Variants in DENND1B observed in about 807,000 individuals in gnomAD.
The protein encoded by DENND1B is DENN domain containing 1B, also known as DENN domain-containing protein 1B.
Under a neutral mutation model 90.1 loss-of-function variants are expected in DENND1B, and 59 were observed. The ratio of observed to expected loss-of-function variants is 0.65; its 90% confidence interval spans 0.53 to 0.81. The LOEUF is 0.81. Among genes scored for constraint, DENND1B ranks in the 40% least tolerant of loss-of-function variants. The probability of loss-of-function intolerance (pLI) is 0.00; values close to 1 mark genes in which losing one functional copy is unlikely to be tolerated. For synonymous variants in DENND1B, 337 were observed against 324.6 expected, an observed-to-expected ratio of 1.04 and a Z score of -0.41; for missense variants, 862 against 912.6, an observed-to-expected ratio of 0.94 and a Z score of 0.71.
intron 3 of DENND1B, among the ~76,000 whole-genome samples, chr1:197,707,736 G>A (rs903185885): frequency 1.9e-4 from 28 of 148,446 alleles, no homozygotes; most frequent in African/African-American, 5.9e-4. Flanking sequence ...CAAGATGGCC[G>A]AATAGGAACA....
rs1185310127 is a variant in DENND1B at position 197,506,081 on chromosome 1, T to C, written c.*4379A>G. 1 of 151,620 alleles carries C rather than the reference T, an allele frequency of 6.6e-6. No homozygotes were observed. The highest frequency in any genetic ancestry group is 1.5e-5 in the Non-Finnish European group (1 of 67,690). The allele number at this position is 151,620 out of a possible 1,614,324, so 9.4% of individuals were successfully genotyped here. A position where few individuals can be genotyped will look rare whatever the true frequency, so the allele number is the denominator to read the frequency against. On this transcript the variant is annotated 3_prime_UTR_variant, in exon 23 of 23. Coordinates refer to ENST00000620048, the MANE Select transcript of DENND1B (RefSeq NM_001195215.2). ...AGAATATATTTTTTTCTGAAATCAA[T>C]GAGAACATTGCTACATACAGATTTA... is the stretch of plus-strand genomic sequence containing the variant.
chr1:197,661,510 C>T (rs1654403915), intron 5 of DENND1B, among the ~76,000 whole-genome samples: 1 of 152,046 alleles, frequency 6.6e-6, no homozygotes, highest in Non-Finnish European at 1.5e-5. Flanking sequence ...ATTCAAAGAA[C>T]ATGCTGGTCT....
In DENND1B at chr1:197,775,306, A is replaced by C. The variant is rs1000797646; in HGVS notation, c.-151T>G. 4 of 509,416 alleles carry C rather than the reference A, an allele frequency of 7.9e-6. No individual in the cohort carries two copies. Among genetic ancestry groups the C allele is most frequent in the Non-Finnish European group, 1.2e-5 (4 of 334,282 alleles). 31.6% of individuals were successfully genotyped at this position (509,416 alleles called of 1,614,324 possible). ...TCACAGCAGCCGTGGCGGCGGGCCCATGTCGGCTGCGCCCCCGGCACTTCC... is the reference window on the plus strand; with the variant it reads ...TCACAGCAGCCGTGGCGGCGGGCCCCTGTCGGCTGCGCCCCCGGCACTTCC... On this transcript the variant is annotated 5_prime_UTR_variant, in exon 1 of 23. It removes an upstream start codon present in the reference 5' UTR. Coordinates refer to ENST00000620048, the MANE Select transcript of DENND1B (RefSeq NM_001195215.2).
Position 197,775,310 on chromosome 1 carries a change from C to A in DENND1B, c.-155G>T. 1 of 480,382 alleles carries A rather than the reference C, an allele frequency of 2.1e-6. No individual in the cohort carries two copies. Among genetic ancestry groups the A allele is most frequent in the South Asian group, 1.1e-4 (1 of 9,424 alleles). 29.8% of individuals were successfully genotyped at this position (480,382 alleles called of 1,614,324 possible). A position where few individuals can be genotyped will look rare whatever the true frequency, so the allele number is the denominator to read the frequency against. On this transcript the variant is annotated 5_prime_UTR_variant, in exon 1 of 23. Transcript: ENST00000620048. ...AGCAGCCGTGGCGGCGGGCCCATGT[C>A]GGCTGCGCCCCCGGCACTTCCCCGC...
chr1:197,511,072 TC>T, intron 22 of DENND1B, 100 bp from the exon 23 acceptor site: 1 of 1,202,606 alleles, frequency 8.3e-7, no homozygotes, highest in Non-Finnish European at 1.1e-6. Flanking sequence ...GTTAAGTTCC[TC>T]CCAGAGAAAA....
intron 3 of DENND1B, among the ~76,000 whole-genome samples, chr1:197,683,999 T>C (rs1245023784): frequency 6.6e-6 from 1 of 152,208 alleles, no homozygotes; most frequent in Middle Eastern, 3.2e-3. Context: ...GCCTAATCAG[T>C]GCCTGGCACA....
intron 5 of DENND1B, among the ~76,000 whole-genome samples, chr1:197,667,350 G>C (rs535593347): frequency 2.6e-5 from 4 of 152,058 alleles, no homozygotes; most frequent in East Asian, 1.9e-4. Flanking sequence ...CACCCCATCA[G>C]CAATATTTTT....
intron 3 of DENND1B, among the ~76,000 whole-genome samples, chr1:197,703,406 A>G (rs1239978560): frequency 2.0e-5 from 3 of 152,316 alleles, no homozygotes; most frequent in African/African-American, 7.2e-5. Context: ...TTGTTCATGT[A>G]TAACTATTGA....
intron 3 of DENND1B, among the ~76,000 whole-genome samples, chr1:197,714,023 A>T (rs1448838052): frequency 1.5e-5 from 2 of 131,422 alleles, no homozygotes; most frequent in Non-Finnish European, 3.3e-5. Context: ...GGAGTCTCAC[A>T]TTGGTTGCCC....
chr1:197,566,950 G>A (rs1339196046), intron 15 of DENND1B, among the ~76,000 whole-genome samples: 1 of 152,034 alleles, frequency 6.6e-6, no homozygotes, highest in Admixed American at 6.6e-5. Flanking sequence ...TTTATTCCTA[G>A]AGGGACAGTA....
At chr1:197,637,861 C>A (rs1679932334) in intron 10 of DENND1B, among the ~76,000 whole-genome samples, 1 of 152,156 alleles carries the variant, frequency 6.6e-6, no homozygotes, top group Admixed American at 6.6e-5. Context: ...ACTTTAATAA[C>A]CTTAACTAGG....
chr1:197,583,897 C>A (rs181939493), intron 14 of DENND1B, among the ~76,000 whole-genome samples: 1 of 152,156 alleles, frequency 6.6e-6, no homozygotes, highest in Admixed American at 6.5e-5. Flanking sequence ...CATTTTTTTT[C>A]TATTTATTCC....
intron 7 of DENND1B, among the ~76,000 whole-genome samples, chr1:197,647,625 C>T (rs767496960): frequency 3.3e-5 from 5 of 152,088 alleles, no homozygotes; most frequent in Non-Finnish European, 2.9e-5. Context: ...AGTAAACAAA[C>T]ATTAACAGCT....
chr1:197,609,697 G>A (rs951518536), intron 12 of DENND1B, among the ~76,000 whole-genome samples: 3 of 118,430 alleles, frequency 2.5e-5, no homozygotes, highest in Admixed American at 8.2e-5. Flanking sequence ...TGCAGTTTTC[G>A]CCATTAAAAA....
chr1:197,664,572 A>T (rs985758516), intron 5 of DENND1B, among the ~76,000 whole-genome samples: 5 of 152,148 alleles, frequency 3.3e-5, no homozygotes, highest in Non-Finnish European at 5.9e-5. Context: ...TAGAGCTGAT[A>T]AAACTTTTAC....
At chr1:197,529,203 G>GATATATATATAT (rs71131771) in intron 20 of DENND1B, among the ~76,000 whole-genome samples, 1 of 117,364 alleles carries the variant, frequency 8.5e-6, no homozygotes, top group African/African-American at 3.9e-5. Context: ...AGTTAAGAGT[G>GATATATATATAT]ATATATATAT....
At chr1:197,543,938 G>A (rs774522813) in intron 18 of DENND1B, among the ~76,000 whole-genome samples, 3 of 151,486 alleles carry the variant, frequency 2.0e-5, no homozygotes, top group African/African-American at 4.8e-5. Context: ...CTCACTTACC[G>A]AGAAAAGCTT....
intron 15 of DENND1B, among the ~76,000 whole-genome samples, chr1:197,554,755 T>A (rs1671562153): frequency 7.5e-6 from 1 of 133,650 alleles, no homozygotes; most frequent in Admixed American, 8.9e-5. Flanking sequence ...GGCAGGAGAA[T>A]CTCTTGAACC....
chr1:197,630,414 C>T (rs1042023309), intron 10 of DENND1B, among the ~76,000 whole-genome samples: 11 of 152,052 alleles, frequency 7.2e-5, no homozygotes, highest in African/African-American at 2.4e-4. Flanking sequence ...TCCCTTGAAG[C>T]TCTTTTATAA....
Sources: allele counts gnomAD v4.1 joint callset (sites outside exome capture counted in the v4.1 genomes callset), GRCh38; gene constraint gnomAD v4.1.1; transcripts MANE v1.5; gene names NCBI Gene and HGNC (gene_info 2026-07-23, HGNC 2026-07-21).